ARFGEF1: variants seen among roughly 807,000 people sequenced by gnomAD.
ARFGEF1 encodes the protein brefeldin A-inhibited guanine nucleotide-exchange protein 1.
ARFGEF1 carries 42 observed loss-of-function variants against 231.0 expected under a neutral mutation model. The observed-to-expected ratio is 0.18, with a 90% CI of 0.14 to 0.24. The LOEUF is 0.24. Ranked by LOEUF, ARFGEF1 falls within the 10% of genes least tolerant of loss-of-function variation. The probability of loss-of-function intolerance (pLI) is 1.00; values close to 1 mark genes in which losing one functional copy is unlikely to be tolerated. For missense variants in ARFGEF1, 1,345 were observed against 2,192.0 expected (o/e 0.61, Z 7.72); for synonymous variants, 710 against 732.3 (o/e 0.97, Z 0.49).
chr8:67,306,329 G>A (rs1806744090), intron 1 of ARFGEF1, among the ~76,000 whole-genome samples: 1 of 152,172 alleles, frequency 6.6e-6, no homozygotes, highest in Non-Finnish European at 1.5e-5. Flanking sequence ...ATTTCATCAT[G>A]CTACTAAGAA....
At chr8:67,204,032 T>C (rs1310233005) in intron 35 of ARFGEF1, among the ~76,000 whole-genome samples, 2 of 152,170 alleles carry the variant, frequency 1.3e-5, no homozygotes, top group African/African-American at 4.8e-5. Context: ...ACTGGAAAGC[T>C]CTTACCAGTG....
In ARFGEF1 at chr8:67,232,929, G is replaced by A. The variant is rs976320452; in HGVS notation, c.3306C>T (p.Asp1102=). The A allele has an allele frequency of 1.9e-6, 3 of 1,610,122 alleles. No individual in the cohort carries two copies. Among genetic ancestry groups the A allele is most frequent in the Non-Finnish European group, 2.5e-6 (3 of 1,177,852 alleles). Residue 1102 remains aspartate, a synonymous_variant, in exon 23 of 39, where the codon GAC becomes GAT. Coordinates refer to ENST00000262215, the MANE Select transcript of ARFGEF1 (RefSeq NM_006421.5). ...VGLGLVGGNV[D]WKQIASIQES... Reference sequence around the variant, plus strand: ...CCTGAATACTTGCTATCTGTTTCCAGTCCACATTTCCTCCAACTACCACAC... The same window carrying A: ...CCTGAATACTTGCTATCTGTTTCCAATCCACATTTCCTCCAACTACCACAC...
At chr8:67,191,582 G>C (rs1011772713) in intron 5 of ARFGEF1, among the ~76,000 whole-genome samples, 16 of 152,170 alleles carry the variant, frequency 1.1e-4, no homozygotes, top group African/African-American at 3.4e-4. Flanking sequence ...GGTCATTCAT[G>C]TTGTAGCATG....
chr8:67,237,558 G>A (rs1839808646), intron 22 of ARFGEF1, among the ~76,000 whole-genome samples: 1 of 152,208 alleles, frequency 6.6e-6, no homozygotes, highest in South Asian at 2.1e-4. Context: ...CAGATTGGTT[G>A]GAGGTGGGGG....
rs1563834672 is a variant in ARFGEF1, at chr8:67,204,830, A to G, written c.4820-11T>C. ...TTTGTTCTGGAAATTCTGTGAGGAA[A>G]CCCCCCCCAATGCACATGCAAACAA... On this transcript the variant is annotated splice_polypyrimidine_tract_variant and intron_variant, in intron 34 of 38. Coordinates refer to ENST00000262215, the MANE Select transcript of ARFGEF1 (RefSeq NM_006421.5). The G allele has an allele frequency of 6.3e-7, 1 of 1,596,816 alleles. No individual in the cohort carries two copies.
intron 5 of ARFGEF1, among the ~76,000 whole-genome samples, chr8:67,188,772 A>G (rs931744043): frequency 2.0e-5 from 3 of 152,162 alleles, no homozygotes; most frequent in Non-Finnish European, 4.4e-5. Flanking sequence ...GCTGCTCCCA[A>G]TCAGGCTAAA....
chr8:67,213,932 G>A (rs1838836333), intron 33 of ARFGEF1, among the ~76,000 whole-genome samples: 1 of 152,118 alleles, frequency 6.6e-6, no homozygotes, highest in South Asian at 2.1e-4. Context: ...TGTTTTGCTG[G>A]CCCTGATAAA....
chr8:67,236,021 G>A (rs1334866790), intron 22 of ARFGEF1, among the ~76,000 whole-genome samples: 1 of 151,752 alleles, frequency 6.6e-6, no homozygotes, highest in East Asian at 1.9e-4. Context: ...ATGGGCGGGC[G>A]CAGTAGCTCA....
At position 67,227,197 on chromosome 8, in the gene ARFGEF1, C is replaced by A. The variant is rs760327271; in HGVS notation, c.3856G>T (p.Ala1286Ser). Residue 1286 changes from alanine (A) to serine (S), a missense_variant, in exon 27 of 39, where the codon GCA becomes TCA. Ala to Ser is a moderately conservative substitution (Grantham distance 99, BLOSUM62 1). This residue lies in a region of ARFGEF1 where 142 missense variants were observed against 227.3 expected (regional missense o/e 0.62). Transcript: ENST00000262215. ...ACTATGCTTTCATCTTGATCAGATG[C>A]AGCTAGATGAAATACAGAGAAAATG... ...KNIFSVFHLA[A>S]SDQDESIVEL... is the part of the protein sequence containing the mutation. The A allele has an allele frequency of 6.2e-7, 1 of 1,612,944 alleles. No homozygotes were observed.
At chr8:67,239,249 G>T (rs567537271) in intron 20 of ARFGEF1, among the ~76,000 whole-genome samples, 72 of 151,932 alleles carry the variant, frequency 4.7e-4, no homozygotes, top group African/African-American at 1.7e-3. Context: ...CTCGTGATCT[G>T]CCCGCCTCGA....
At chr8:67,332,757 C>G (rs1178676445) in intron 1 of ARFGEF1, among the ~76,000 whole-genome samples, 1 of 152,076 alleles carries the variant, frequency 6.6e-6, no homozygotes, top group Non-Finnish European at 1.5e-5. Flanking sequence ...ATTAAAGGTG[C>G]AGCACAGGAC....
At chr8:67,214,380 C>T (rs975842688) in intron 33 of ARFGEF1, among the ~76,000 whole-genome samples, 6 of 152,134 alleles carry the variant, frequency 3.9e-5, no homozygotes, top group Admixed American at 2.6e-4. Context: ...AAGCAAAGTG[C>T]TGAAGGTGTG....
intron 33 of ARFGEF1, among the ~76,000 whole-genome samples, chr8:67,212,196 C>G (rs1360574993): frequency 6.6e-6 from 1 of 152,132 alleles, no homozygotes. Context: ...GATTCTCCTG[C>G]CTCAGCCTCC....
intron 19 of ARFGEF1, among the ~76,000 whole-genome samples, chr8:67,248,512 C>A (rs1371939719): frequency 6.6e-6 from 1 of 150,446 alleles, no homozygotes; most frequent in Non-Finnish European, 1.5e-5. Flanking sequence ...AAACTTACAT[C>A]TAAGACCTCA....
intron 1 of ARFGEF1, among the ~76,000 whole-genome samples, chr8:67,324,609 CAT>C (rs909316512): frequency 2.0e-5 from 3 of 152,178 alleles, no homozygotes; most frequent in Non-Finnish European, 2.9e-5. Context: ...CCATCAATTT[CAT>C]ATATGTCTAC....
intron 29 of ARFGEF1, among the ~76,000 whole-genome samples, chr8:67,222,220 T>TATATATACACACAC (rs1554636849): frequency 1.3e-3 from 152 of 120,642 alleles, no homozygotes; most frequent in South Asian, 4.3e-3. Flanking sequence ...CACATATATA[T>TATATATACACACAC]ATATGTATAT....
chr8:67,329,587 T>A (rs936083299), intron 1 of ARFGEF1, among the ~76,000 whole-genome samples: 2 of 150,262 alleles, frequency 1.3e-5, no homozygotes, highest in Non-Finnish European at 1.5e-5. Context: ...AAGAATTTTT[T>A]AAAAAATGGA....
chr8:67,343,635 G>C lies in ARFGEF1; in HGVS notation c.-348C>G. 2 of 1,024,752 alleles carry C rather than the reference G, an allele frequency of 2.0e-6. No individual in the cohort carries two copies. Among genetic ancestry groups the C allele is most frequent in the Middle Eastern group, 4.7e-4 (1 of 2,108 alleles). The allele number at this position is 1,024,752 out of a possible 1,614,324, so 63.5% of individuals were successfully genotyped here. ...AGCCCGGCCCGGGCGGCTGTCTGCCGGGAACTGAGGGACGAGGTGGCGGCG... is the reference window on the plus strand; with the variant it reads ...AGCCCGGCCCGGGCGGCTGTCTGCCCGGAACTGAGGGACGAGGTGGCGGCG... On this transcript the variant is annotated 5_prime_UTR_variant, in exon 1 of 39. Coordinates refer to ENST00000262215, the MANE Select transcript of ARFGEF1 (RefSeq NM_006421.5).
intron 1 of ARFGEF1, among the ~76,000 whole-genome samples, chr8:67,317,064 G>C (rs7812887): frequency 0.29 from 44,060 of 151,992 alleles, 6,529 homozygotes; most frequent in East Asian, 0.38. Flanking sequence ...GACACCCAAA[G>C]CTTGGGTAAG....
Sources: allele counts gnomAD v4.1 joint callset (sites outside exome capture counted in the v4.1 genomes callset), GRCh38; gene constraint gnomAD v4.1.1; regional missense constraint gnomAD v4.1.1; transcripts MANE v1.5; gene names NCBI Gene and HGNC (gene_info 2026-07-23, HGNC 2026-07-21).